Variants in CCDC15 observed in about 807,000 individuals in gnomAD.
CCDC15 encodes the protein coiled-coil domain-containing protein 15.
Under a neutral mutation model 114.5 loss-of-function variants are expected in CCDC15, and 105 were observed. The ratio of observed to expected loss-of-function variants is 0.92; its 90% CI spans 0.78 to 1.08. The LOEUF is 1.08. CCDC15 is among the 50% of genes least tolerant of loss of function. The pLI is 0.00. For synonymous variants in CCDC15, 334 were observed against 377.8 expected (o/e 0.88, Z 1.34); for missense variants, 1,105 against 1,093.6 (o/e 1.01, Z -0.15).
At chr11:124,992,381 T>C (rs1049436060) in intron 9 of CCDC15, among the ~76,000 whole-genome samples, 199 bp from the exon 10 acceptor site, 1 of 152,204 alleles carries the variant, frequency 6.6e-6, no homozygotes, top group Non-Finnish European at 1.5e-5. Flanking sequence ...TGTCAGACTA[T>C]TCTGTCAATG....
Position 124,959,823 on chromosome 11 carries a change from A to G in CCDC15, c.336A>G (p.Lys112=), listed in dbSNP as rs1354648193. ...QLQKSYERAQ[K]EGSIAMQSSA... is the part of the protein sequence containing the mutation. Reference sequence around the variant, plus strand: ...TTTCTTCTTTCGTGTAGGCACAAAAAGAAGGCTCCATAGCCATGCAGTCTT... The same window carrying G: ...TTTCTTCTTTCGTGTAGGCACAAAAGGAAGGCTCCATAGCCATGCAGTCTT... Residue 112 remains lysine (K), a synonymous_variant, in exon 4 of 16, where the codon AAA becomes AAG. Coordinates refer to ENST00000344762, the MANE Select transcript of CCDC15 (RefSeq NM_025004.3). 1 of 1,594,960 alleles carries G rather than the reference A, an allele frequency of 6.3e-7. No homozygotes were observed. Among genetic ancestry groups the G allele is most frequent in the East Asian group, 2.2e-5 (1 of 44,552 alleles).
chr11:124,970,243 G>T (rs549079529), intron 4 of CCDC15, among the ~76,000 whole-genome samples: 1 of 152,070 alleles, frequency 6.6e-6, no homozygotes, highest in Non-Finnish European at 1.5e-5. Context: ...CTTTTCTCTG[G>T]ATATTTCCTA....
At chr11:124,964,225 C>T (rs1391234296) in intron 4 of CCDC15, among the ~76,000 whole-genome samples, 3 of 152,048 alleles carry the variant, frequency 2.0e-5, no homozygotes, top group Non-Finnish European at 4.4e-5. Context: ...CTATAAATTA[C>T]CTTGGGCAGT....
At chr11:125,031,944 C>G (rs953663675) in intron 13 of CCDC15, among the ~76,000 whole-genome samples, 1 of 152,200 alleles carries the variant, frequency 6.6e-6, no homozygotes, top group Non-Finnish European at 1.5e-5. Flanking sequence ...GTGTCTCTTT[C>G]GTGGTTGTAG....
chr11:124,991,828 C>T (rs905227124), intron 9 of CCDC15, among the ~76,000 whole-genome samples: 5 of 152,076 alleles, frequency 3.3e-5, no homozygotes, highest in African/African-American at 7.2e-5. Flanking sequence ...GGATTACAGG[C>T]GCATGCCAGC....
intron 5 of CCDC15, among the ~76,000 whole-genome samples, chr11:124,976,007 A>G (rs1947966903): frequency 6.6e-6 from 1 of 152,024 alleles, no homozygotes; most frequent in Non-Finnish European, 1.5e-5. Context: ...TCCTAAATTT[A>G]TGTGTTTTCC....
At chr11:124,955,297 A>G (rs2135422102) in intron 2 of CCDC15, among the ~76,000 whole-genome samples, 1 of 152,316 alleles carries the variant, frequency 6.6e-6, no homozygotes, top group South Asian at 2.1e-4. Context: ...AAGTAACATT[A>G]ATTGGTTGCT....
chr11:124,983,808 G>A (rs12786601), intron 6 of CCDC15, among the ~76,000 whole-genome samples: 9,809 of 152,118 alleles, frequency 0.064, 416 homozygotes, highest in African/African-American at 0.13. Flanking sequence ...GTGGGGTGCC[G>A]GCAGGTGCAG....
intron 13 of CCDC15, among the ~76,000 whole-genome samples, chr11:125,031,077 A>G (rs1194095003): frequency 6.6e-6 from 1 of 152,210 alleles, no homozygotes; most frequent in Non-Finnish European, 1.5e-5. Flanking sequence ...ACAAGTCAGT[A>G]TATAATCGCT....
intron 6 of CCDC15, 41 bp from the exon 7 acceptor site, chr11:124,986,701 G>A (rs994141710): frequency 3.8e-6 from 5 of 1,326,106 alleles, no homozygotes; most frequent in African/African-American, 4.2e-5. Flanking sequence ...TTGTGTGTGT[G>A]CGCGCGCGCG....
At chr11:125,035,096 G>A (rs948820529) in intron 13 of CCDC15, among the ~76,000 whole-genome samples, 14 of 152,148 alleles carry the variant, frequency 9.2e-5, no homozygotes, top group African/African-American at 3.4e-4. Context: ...GGAGAAAGAT[G>A]TAGGCTGGGA....
rs574557916 is a variant in CCDC15 at position 124,959,157 on chromosome 11, A to G, written c.220A>G (p.Arg74Gly). The change falls in exon 3 of 16, where the codon AGA (arginine) becomes GGA (glycine). Residue 74 changes from arginine to glycine, a missense_variant. Arg to Gly is a moderately radical substitution (Grantham distance 125). Coordinates refer to ENST00000344762, the MANE Select transcript of CCDC15 (RefSeq NM_025004.3). ...TGAAGAAGAACTAAAGGAACAGCTA[A>G]GAAAAAAACAAGAAGCTTTGAAACA... ...LIEEELKEQL[R>G]KKQEALKHFQ... is the part of the protein sequence containing the mutation. 1.2e-4 allele frequency: 190 copies of G among 1,589,312 alleles called. 2 individuals carry two copies. In the South Asian group the frequency reaches 2.2e-3, roughly 18 times the overall value.
chr11:124,987,846 A>T lies in CCDC15; in HGVS notation c.1620A>T (p.Leu540Phe), dbSNP rs1176138301. Residue 540 changes from leucine (L) to phenylalanine (F), a missense_variant, in exon 8 of 16, where the codon TTA becomes TTT. Transcript: ENST00000344762. ...QDFLPKDQDFLSRDQHVLPKD... is the reference protein window; with the variant it reads ...QDFLPKDQDFFSRDQHVLPKD... ...TTCTACCTAAAGACCAGGACTTTTT[A>T]TCTAGAGACCAGCATGTTCTCCCCA... is the stretch of plus-strand genomic sequence containing the variant. The T allele has an allele frequency of 1.2e-6, 2 of 1,606,052 alleles. No homozygotes were observed. The highest frequency in any genetic ancestry group is 2.2e-5 in the South Asian group (2 of 90,396).
intron 4 of CCDC15, among the ~76,000 whole-genome samples, chr11:124,970,188 C>T (rs1050784081): frequency 1.7e-4 from 26 of 152,278 alleles, no homozygotes; most frequent in African/African-American, 5.8e-4. Flanking sequence ...CCGTTAGCCT[C>T]TTTTTTCCAG....
At chr11:124,981,873 A>G (rs12796773) in intron 6 of CCDC15, among the ~76,000 whole-genome samples, 30,847 of 152,106 alleles carry the variant, frequency 0.2, 3,719 homozygotes, top group African/African-American at 0.33. Flanking sequence ...CGCCCACCTC[A>G]GCTTCCCACG....
rs114846694 is a variant in CCDC15, at chr11:125,026,324, G to A, written c.2412-12107G>A. ...GGCCACTGGCTGAGTTCTGCCTGGT[G>A]TTAGCAGCACTGTGTTCCATTACAG... On this transcript the variant is annotated intron_variant, in intron 13 of 15. Transcript: ENST00000344762. 4.5e-3 allele frequency among the ~76,000 whole-genome samples: 689 copies of A among 152,264 alleles called. 5 individuals are homozygous for A. The highest frequency in any genetic ancestry group is 0.016 in the African/African-American group (655 of 41,560).
At chr11:125,026,681 C>T (rs1014079451) in intron 13 of CCDC15, among the ~76,000 whole-genome samples, 2 of 152,168 alleles carry the variant, frequency 1.3e-5, no homozygotes, top group Admixed American at 6.6e-5. Context: ...ACTCTTCTCA[C>T]CTCCAGCCCC....
At chr11:124,986,667 CTGTGTGTGTG>C (rs146292043) in intron 6 of CCDC15, 65 bp from the exon 7 acceptor site, 3 of 1,089,526 alleles carry the variant, frequency 2.8e-6, no homozygotes, top group Admixed American at 3.4e-5. Context: ...CTACATGGTG[CTGTGTGTGTG>C]TGTGTGTGTG....
chr11:125,019,211 G>A (rs1340780676), intron 13 of CCDC15, among the ~76,000 whole-genome samples: 2 of 151,904 alleles, frequency 1.3e-5, no homozygotes, highest in African/African-American at 4.8e-5. Context: ...TTTTTTAAAA[G>A]ATCGTTATAT....
Sources: gnomAD v4.1 joint callset for allele counts (sites outside exome capture counted in the v4.1 genomes callset) on GRCh38, gnomAD v4.1.1 for gene constraint, MANE v1.5 for transcripts, NCBI Gene and HGNC (gene_info 2026-07-23, HGNC 2026-07-21) for gene names.